Variants in MYO16 observed in about 807,000 individuals in gnomAD.
The protein encoded by MYO16 is myosin XVI.
A neutral mutation model predicts 205.3 loss-of-function variants in MYO16; 94 were observed. The ratio of observed to expected loss-of-function variants is 0.46; its 90% CI spans 0.39 to 0.54. The LOEUF is 0.54. Among genes scored for constraint, MYO16 ranks in the 20% least tolerant of loss-of-function variants. The pLI is 0.00. For missense variants in MYO16, 2,315 were observed against 2,387.5 expected, an observed-to-expected ratio of 0.97 and a Z score of 0.63; for synonymous variants, 988 against 954.0, an observed-to-expected ratio of 1.04 and a Z score of -0.66.
In MYO16 at chr13:108,767,189, G is replaced by A. The variant is rs111668048; in HGVS notation, c.508-18446G>A. Among the ~76,000 whole-genome samples, 1,296 of 152,012 alleles carry A rather than the reference G, an allele frequency of 8.5e-3. 13 individuals are homozygous for A. The highest frequency in any genetic ancestry group is 0.03 in the African/African-American group (1,243 of 41,456). ...GCGATCTCGGCTCACTGCAAGCTCCGCCTCCCGGGTTCACGCCATTCTCCT... is the reference window on the plus strand; with the variant it reads ...GCGATCTCGGCTCACTGCAAGCTCCACCTCCCGGGTTCACGCCATTCTCCT... On this transcript the variant is annotated intron_variant, in intron 4 of 34. Transcript: ENST00000457511.
At chr13:108,696,993 AT>A (rs1307337738) in intron 2 of MYO16, among the ~76,000 whole-genome samples, 3 of 146,004 alleles carry the variant, frequency 2.1e-5, no homozygotes, top group South Asian at 2.2e-4. Flanking sequence ...AAAAAAAAAA[AT>A]ACCCTGCCCT....
At position 109,141,310 on chromosome 13, in the gene MYO16, C is replaced by G; in HGVS notation, c.5098C>G (p.Leu1700Val). Residue 1700 changes from leucine (L) to valine (V), a missense_variant, in exon 32 of 35, where the codon CTC (leucine) becomes GTC (valine). By Grantham distance (32) the Leu-to-Val change is conservative (BLOSUM62 1). Around this residue, in one of 3 missense-constraint regions of MYO16, gnomAD observed 1,097 missense variants for 1,092.0 expected, o/e 1.00. Transcript: ENST00000457511. This position sits in a 1 kb window ranked among gnomAD's most constrained non-coding sequence, Gnocchi z 4.1. ...CAGCCCCCTGGACGAGCTCGCCAGC[C>G]TCTTCAACTCGGGGAGGAGTGTGCT... Reference protein sequence around the residue: ...LSSPLDELASLFNSGRSVLRK... With the variant: ...LSSPLDELASVFNSGRSVLRK... 3 of 1,589,844 alleles carry G rather than the reference C, an allele frequency of 1.9e-6. No individual in the cohort carries two copies. Among genetic ancestry groups the G allele is most frequent in the Non-Finnish European group, 2.6e-6 (3 of 1,169,194 alleles).
chr13:108,823,047 G>T, intron 8 of MYO16, 78 bp from the exon 9 acceptor site: 1 of 1,311,978 alleles, frequency 7.6e-7, no homozygotes, highest in Non-Finnish European at 1.0e-6. Context: ...TAAGCATATC[G>T]GAATTATTGA....
At chr13:108,816,302 T>C (rs1195761009) in intron 7 of MYO16, among the ~76,000 whole-genome samples, 11 of 152,118 alleles carry the variant, frequency 7.2e-5, no homozygotes, top group Non-Finnish European at 7.4e-5. Flanking sequence ...TTTTAGAATA[T>C]GACGAGGCAA....
chr13:108,641,275 G>A (rs1880492301), intron 1 of MYO16, among the ~76,000 whole-genome samples: 2 of 152,164 alleles, frequency 1.3e-5, no homozygotes, highest in Admixed American at 6.5e-5. Flanking sequence ...TTTGCTAATA[G>A]AAAGGGGTTG....
chr13:108,499,290 T>A, the MYO16 span, among the ~76,000 whole-genome samples: 4 of 152,232 alleles, frequency 2.6e-5, no homozygotes, highest in Non-Finnish European at 5.9e-5. Flanking sequence ...GACCTTGACT[T>A]TGAAGATTGT....
chr13:108,974,488 A>G (rs1884180613), intron 20 of MYO16, among the ~76,000 whole-genome samples: 1 of 152,154 alleles, frequency 6.6e-6, no homozygotes, highest in Admixed American at 6.6e-5. Context: ...ATTGGGTTAT[A>G]ATAATTTCTT....
intron 4 of MYO16, among the ~76,000 whole-genome samples, chr13:108,778,630 ATT>A (rs74316857): frequency 1.3e-5 from 2 of 151,856 alleles, no homozygotes; most frequent in Non-Finnish European, 1.5e-5. Context: ...AAAAATATAT[ATT>A]TTTTTTCTGT....
At chr13:108,877,742 T>G (rs1879392947) in intron 12 of MYO16, among the ~76,000 whole-genome samples, 1 of 152,260 alleles carries the variant, frequency 6.6e-6, no homozygotes, top group Non-Finnish European at 1.5e-5. Flanking sequence ...TTGCTGCTGA[T>G]CTATTGATTA....
chr13:108,510,483 T>TTTTA, the MYO16 span, among the ~76,000 whole-genome samples: 1 of 128,888 alleles, frequency 7.8e-6, no homozygotes, highest in Admixed American at 7.7e-5. Flanking sequence ...TTTTTTTTTT[T>TTTTA]TTATTGTACT....
intron 7 of MYO16, among the ~76,000 whole-genome samples, chr13:108,807,240 G>A (rs555109037): frequency 1.3e-5 from 2 of 151,844 alleles, no homozygotes; most frequent in African/African-American, 4.8e-5. Flanking sequence ...ATTACTTTGG[G>A]GTAACAATCA....
At chr13:108,871,774 C>T (rs9555526) in intron 12 of MYO16, among the ~76,000 whole-genome samples, 1 of 152,082 alleles carries the variant, frequency 6.6e-6, no homozygotes, top group Non-Finnish European at 1.5e-5. Flanking sequence ...CACAGCGGCA[C>T]TGTGTGCTGG....
At chr13:108,629,920 G>T (rs1200004988) in intron 1 of MYO16, 48 bp downstream of exon 1, 5 of 1,491,944 alleles carry the variant, frequency 3.4e-6, no homozygotes, top group African/African-American at 2.8e-5. Context: ...TCTTGTTGAA[G>T]TATTATTTTG....
chr13:109,004,757 T>C (rs1037802846), intron 21 of MYO16, among the ~76,000 whole-genome samples: 7 of 152,180 alleles, frequency 4.6e-5, no homozygotes, highest in Admixed American at 4.6e-4. Flanking sequence ...ACTGTATCAG[T>C]TACAAGAAAG....
At chr13:108,803,821 C>T (rs979530671) in intron 6 of MYO16, among the ~76,000 whole-genome samples, 3 of 151,664 alleles carry the variant, frequency 2.0e-5, no homozygotes, top group South Asian at 2.1e-4. Context: ...ATGGGAAGGC[C>T]AAAGCAAGCA....
At chr13:108,833,898 G>A (rs1876755558) in intron 9 of MYO16, among the ~76,000 whole-genome samples, 1 of 151,756 alleles carries the variant, frequency 6.6e-6, no homozygotes, top group Non-Finnish European at 1.5e-5. Flanking sequence ...TTTTTAAAAT[G>A]TTTATGGGAT....
At chr13:109,003,027 T>A (rs1321860603) in intron 21 of MYO16, among the ~76,000 whole-genome samples, 12 of 152,318 alleles carry the variant, frequency 7.9e-5, no homozygotes, top group African/African-American at 2.9e-4. Flanking sequence ...GTTCAAACAA[T>A]GAGTGCTTTG....
intron 33 of MYO16, among the ~76,000 whole-genome samples, chr13:109,172,391 A>G (rs939946617): frequency 2.0e-5 from 3 of 152,198 alleles, no homozygotes; most frequent in African/African-American, 7.2e-5. Flanking sequence ...TCATCCTTCT[A>G]GTTAAAAGCA....
At chr13:108,787,301 T>C (rs1886487587) in intron 5 of MYO16, among the ~76,000 whole-genome samples, 1 of 152,230 alleles carries the variant, frequency 6.6e-6, no homozygotes, top group African/African-American at 2.4e-5. Flanking sequence ...GGTATGTTGG[T>C]CATACTGCAA....
Sources: gnomAD v4.1 joint callset for allele counts (sites outside exome capture counted in the v4.1 genomes callset) on GRCh38, gnomAD v4.1.1 for gene constraint, gnomAD v4.1.1 regional missense constraint, Gnocchi (gnomAD v3.1) non-coding constraint, MANE v1.5 for transcripts, NCBI Gene and HGNC (gene_info 2026-07-23, HGNC 2026-07-21) for gene names.